The following KIAA1328 variants were observed in gnomAD, a reference collection of about 807,000 sequenced individuals.
The protein encoded by KIAA1328 is KIAA1328, also known as protein hinderin.
In KIAA1328, 52 loss-of-function variants were observed where a neutral mutation model predicts 68.1. The ratio of observed to expected loss-of-function variants is 0.76; its 90% CI spans 0.61 to 0.96. KIAA1328 has a LOEUF of 0.96. Ranked by LOEUF, KIAA1328 falls within the 40% of genes least tolerant of loss-of-function variation. The pLI is 0.00. For synonymous variants in KIAA1328, 232 were observed against 239.4 expected, an observed-to-expected ratio of 0.97 and a Z score of 0.28; for missense variants, 641 against 677.6, an observed-to-expected ratio of 0.95 and a Z score of 0.60.
At chr18:37,003,486 G>T (rs566628457) in intron 6 of KIAA1328, among the ~76,000 whole-genome samples, 4 of 152,044 alleles carry the variant, frequency 2.6e-5, no homozygotes, top group African/African-American at 9.7e-5. Context: ...AAACATCTCC[G>T]CAGGAAAAAA....
chr18:36,924,706 A>G (rs1253147782), intron 5 of KIAA1328, among the ~76,000 whole-genome samples: 1 of 152,166 alleles, frequency 6.6e-6, no homozygotes, highest in East Asian at 1.9e-4. Context: ...TGCAGCATGT[A>G]CAGATCAAAG....
At chr18:36,890,566 G>A (rs1227513388) in intron 5 of KIAA1328, among the ~76,000 whole-genome samples, 2 of 152,126 alleles carry the variant, frequency 1.3e-5, no homozygotes. Flanking sequence ...AACTACTCGG[G>A]AGGCTGAGGC....
intron 4 of KIAA1328, among the ~76,000 whole-genome samples, chr18:36,874,027 T>A (rs2048037520): frequency 6.6e-6 from 1 of 152,242 alleles, no homozygotes; most frequent in South Asian, 2.1e-4. Context: ...TCATTCTTTT[T>A]CATGGCTGCA....
At chr18:37,197,133 G>GT (rs922670804) in intron 9 of KIAA1328, among the ~76,000 whole-genome samples, 14 of 151,892 alleles carry the variant, frequency 9.2e-5, no homozygotes, top group African/African-American at 2.4e-4. Context: ...TGTCTGTTTG[G>GT]TTTTTTCCCC....
chr18:36,951,716 T>A (rs2051168944), intron 5 of KIAA1328, among the ~76,000 whole-genome samples: 1 of 152,222 alleles, frequency 6.6e-6, no homozygotes, highest in Non-Finnish European at 1.5e-5. Context: ...CTGCATTCTC[T>A]GTCTTATAAA....
chr18:37,194,826 A>G (rs1321941829), intron 9 of KIAA1328, among the ~76,000 whole-genome samples: 1 of 151,884 alleles, frequency 6.6e-6, no homozygotes, highest in African/African-American at 2.4e-5. Flanking sequence ...ACGCCCAGCT[A>G]ATTTTTGTAT....
At position 36,900,631 on chromosome 18, in the gene KIAA1328, G is replaced by A. The variant is rs562353195; in HGVS notation, c.448+14959G>A. On this transcript the variant is annotated intron_variant, in intron 5 of 9. Coordinates refer to ENST00000280020, the MANE Select transcript of KIAA1328 (RefSeq NM_020776.3). ...CATCCCATTAACCGCCATCAGGGCT[G>A]GAAAACATGCTGAACTGTTCATATT... Among the ~76,000 whole-genome samples, 8 of 151,972 alleles carry A rather than the reference G, an allele frequency of 5.3e-5. No individual in the cohort carries two copies. In the South Asian group the frequency reaches 1.7e-3, roughly 32 times the overall value.
intron 5 of KIAA1328, among the ~76,000 whole-genome samples, chr18:36,887,413 C>G (rs183653457): frequency 1.5e-4 from 23 of 152,020 alleles, no homozygotes; most frequent in Admixed American, 8.5e-4. Flanking sequence ...TATGGAGATT[C>G]AGTGGTTTAA....
At chr18:37,187,804 G>A (rs1477427742) in intron 9 of KIAA1328, among the ~76,000 whole-genome samples, 1 of 152,086 alleles carries the variant, frequency 6.6e-6, no homozygotes, top group African/African-American at 2.4e-5. Context: ...TGTTCAACTT[G>A]TTTCTTACCG....
chr18:37,195,011 G>A (rs1383714525), intron 9 of KIAA1328, among the ~76,000 whole-genome samples: 2 of 152,168 alleles, frequency 1.3e-5, no homozygotes, highest in African/African-American at 4.8e-5. Flanking sequence ...GGTGGTACAT[G>A]TGGTATTTTG....
chr18:37,162,168 T>G (rs1011760301), intron 8 of KIAA1328, among the ~76,000 whole-genome samples: 1 of 152,208 alleles, frequency 6.6e-6, no homozygotes, highest in South Asian at 2.1e-4. Flanking sequence ...AGAAAGCTGT[T>G]ACAATTCTGC....
chr18:37,047,084 G>A (rs543499466), intron 6 of KIAA1328, among the ~76,000 whole-genome samples: 1 of 152,304 alleles, frequency 6.6e-6, no homozygotes, highest in South Asian at 2.1e-4. Context: ...TCCAGCCTGG[G>A]TGACAGAATG....
At chr18:36,975,556 C>G (rs2052438174) in intron 6 of KIAA1328, among the ~76,000 whole-genome samples, 1 of 152,142 alleles carries the variant, frequency 6.6e-6, no homozygotes, top group Admixed American at 6.5e-5. Flanking sequence ...GCATTGCTGA[C>G]AAAGCAATTT....
intron 8 of KIAA1328, among the ~76,000 whole-genome samples, chr18:37,163,499 A>T (rs2059325241): frequency 6.6e-6 from 1 of 152,154 alleles, no homozygotes; most frequent in South Asian, 2.1e-4. Context: ...CTTAGGTTAT[A>T]TGATTTTATA....
chr18:36,996,177 CTG>C (rs1441357203), intron 6 of KIAA1328, among the ~76,000 whole-genome samples: 1 of 152,178 alleles, frequency 6.6e-6, no homozygotes, highest in Non-Finnish European at 1.5e-5. Flanking sequence ...ACTTTCTACC[CTG>C]TTAGACTCAT....
chr18:37,022,991 A>G (rs943599508), intron 6 of KIAA1328, among the ~76,000 whole-genome samples: 2 of 152,176 alleles, frequency 1.3e-5, no homozygotes, highest in African/African-American at 4.8e-5. Context: ...TACCACTGCT[A>G]ACATCTTATA....
At chr18:37,054,978 T>C (rs2055852282) in intron 6 of KIAA1328, among the ~76,000 whole-genome samples, 1 of 152,238 alleles carries the variant, frequency 6.6e-6, no homozygotes, top group Non-Finnish European at 1.5e-5. Context: ...TCTGTGTGCC[T>C]ATATTCTTTT....
At chr18:37,198,862 A>G (rs758165929) in intron 9 of KIAA1328, among the ~76,000 whole-genome samples, 2 of 152,242 alleles carry the variant, frequency 1.3e-5, no homozygotes, top group Non-Finnish European at 2.9e-5. Flanking sequence ...AGCTGATTCA[A>G]GAAATTTAGT....
intron 9 of KIAA1328, among the ~76,000 whole-genome samples, chr18:37,209,445 C>T (rs2060274088): frequency 6.7e-6 from 1 of 150,224 alleles, no homozygotes; most frequent in South Asian, 2.1e-4. Flanking sequence ...GGGCAATAGG[C>T]TATATATATA....
Sources: allele counts gnomAD v4.1 joint callset (sites outside exome capture counted in the v4.1 genomes callset), GRCh38; gene constraint gnomAD v4.1.1; transcripts MANE v1.5; gene names NCBI Gene and HGNC (gene_info 2026-07-23, HGNC 2026-07-21).